Variants in PLEKHH2 observed in about 807,000 individuals in gnomAD.
PLEKHH2 encodes pleckstrin homology, MyTH4 and FERM domain containing H2, also known as pleckstrin homology domain-containing family H member 2.
Under a neutral mutation model 187.9 loss-of-function variants are expected in PLEKHH2, and 129 were observed. The ratio of observed to expected loss-of-function variants is 0.69; its 90% confidence interval spans 0.59 to 0.79. The LOEUF is 0.79. Ranked by LOEUF, PLEKHH2 falls within the 30% of genes least tolerant of loss-of-function variation. The pLI, the probability that PLEKHH2 is intolerant of heterozygous loss-of-function variation, is 0.00. For synonymous variants in PLEKHH2, 686 were observed against 605.6 expected, an observed-to-expected ratio of 1.13 and a Z score of -1.95; for missense variants, 2,076 against 1,751.2, an observed-to-expected ratio of 1.19 and a Z score of -3.31.
intron 2 of PLEKHH2, among the ~76,000 whole-genome samples, chr2:43,654,439 C>T (rs1189153073): frequency 1.3e-5 from 2 of 152,058 alleles, no homozygotes; most frequent in East Asian, 3.9e-4. Context: ...TTGTGATCTG[C>T]CTGCCTCGGC....
chr2:43,753,669 T>C lies in PLEKHH2; in HGVS notation c.3704T>C (p.Leu1235Pro). The change falls in exon 25 of 30, where the codon CTG becomes CCG. Residue 1235 changes from leucine to proline, a missense_variant. Leu to Pro is a moderately conservative substitution (Grantham distance 98). Coordinates refer to ENST00000282406, the MANE Select transcript of PLEKHH2 (RefSeq NM_172069.4). ...ARGETDREKL[L>P]LMYQTNDQII... The stretch of plus-strand genomic sequence containing the variant: ...GGAGAGACTGATAGAGAAAAGTTGC[T>C]GTTAATGTATCAGACAAATGATCAA... The C allele has an allele frequency of 6.3e-7, 1 of 1,578,460 alleles. No homozygotes were observed. Among genetic ancestry groups the C allele is most frequent in the Non-Finnish European group, 8.6e-7 (1 of 1,165,272 alleles).
At chr2:43,666,618 A>T (rs548692341) in intron 2 of PLEKHH2, among the ~76,000 whole-genome samples, 1 of 152,214 alleles carries the variant, frequency 6.6e-6, no homozygotes, top group African/African-American at 2.4e-5. Context: ...ACCATTTGGC[A>T]TATTCAATCT....
intron 2 of PLEKHH2, among the ~76,000 whole-genome samples, chr2:43,659,144 T>C (rs1215813304): frequency 6.6e-6 from 1 of 151,440 alleles, no homozygotes. Flanking sequence ...GGCTAATTTT[T>C]GTATATATAT....
At chr2:43,706,243 T>G in intron 9 of PLEKHH2, 79 bp from the exon 10 acceptor site, 4 of 944,942 alleles carry the variant, frequency 4.2e-6, no homozygotes, top group Non-Finnish European at 6.8e-6. Context: ...GAGATTATGC[T>G]CATTTGTATT....
chr2:43,677,913 TGGCCGGGCGGGGG>T (rs1558467775), intron 2 of PLEKHH2, among the ~76,000 whole-genome samples: 4 of 42,548 alleles, frequency 9.4e-5, no homozygotes, highest in Non-Finnish European at 1.9e-4. Flanking sequence ...ACGGGGCGGC[TGGCCGGGCGGGGG>T]GCTGATCCCC....
intron 2 of PLEKHH2, among the ~76,000 whole-genome samples, chr2:43,666,546 C>G (rs148862679): frequency 7.7e-4 from 118 of 152,372 alleles, no homozygotes; most frequent in African/African-American, 2.6e-3. Context: ...TCTAAGGAGA[C>G]TGTACCATTT....
intron 9 of PLEKHH2, among the ~76,000 whole-genome samples, chr2:43,704,399 C>G (rs931814232): frequency 2.0e-5 from 3 of 152,050 alleles, no homozygotes; most frequent in Non-Finnish European, 4.4e-5. Context: ...CGGTGGCTCG[C>G]GCCTGTTATC....
intron 16 of PLEKHH2, among the ~76,000 whole-genome samples, chr2:43,724,659 G>A (rs979650031): frequency 1.3e-5 from 2 of 152,158 alleles, no homozygotes; most frequent in African/African-American, 2.4e-5. Context: ...ACTGGCATTT[G>A]GGATGATAGT....
At chr2:43,675,218 T>A in intron 2 of PLEKHH2, 1 of 468,440 alleles carries the variant, frequency 2.1e-6, no homozygotes, top group East Asian at 3.2e-5. Context: ...GGAGTCAATA[T>A]GAAATATTAC....
intron 2 of PLEKHH2, among the ~76,000 whole-genome samples, chr2:43,649,066 TCA>T (rs1041720749): frequency 6.6e-5 from 10 of 152,300 alleles, no homozygotes; most frequent in African/African-American, 2.4e-4. Flanking sequence ...TTTTTTTTCA[TCA>T]CAGTTTCCAA....
intron 20 of PLEKHH2, among the ~76,000 whole-genome samples, chr2:43,738,773 A>G (rs1368826275): frequency 6.6e-6 from 1 of 152,216 alleles, no homozygotes; most frequent in Non-Finnish European, 1.5e-5. Flanking sequence ...TTTTTAAACT[A>G]TAGAAAATAA....
intron 2 of PLEKHH2, chr2:43,676,176 G>T (rs753652351): frequency 6.2e-7 from 1 of 1,614,018 alleles, no homozygotes. Flanking sequence ...AATCGTTCCT[G>T]TTAGGTGGAC....
chr2:43,670,976 TA>T (rs1190800870), intron 2 of PLEKHH2, among the ~76,000 whole-genome samples: 1 of 152,056 alleles, frequency 6.6e-6, no homozygotes, highest in African/African-American at 2.4e-5. Context: ...TTATTGCTCT[TA>T]TTTTTTTTTA....
intron 2 of PLEKHH2, among the ~76,000 whole-genome samples, chr2:43,652,874 A>G (rs956237764): frequency 1.3e-5 from 2 of 152,232 alleles, no homozygotes; most frequent in African/African-American, 2.4e-5. Context: ...TCAGAGAGAA[A>G]GGAAAGGATA....
chr2:43,659,038 T>C (rs1666934314), intron 2 of PLEKHH2, among the ~76,000 whole-genome samples: 1 of 149,950 alleles, frequency 6.7e-6, no homozygotes. Flanking sequence ...AGTGACTTGA[T>C]CTCATCTCAC....
intron 18 of PLEKHH2, among the ~76,000 whole-genome samples, chr2:43,730,572 T>C (rs1241906224): frequency 6.6e-6 from 1 of 152,114 alleles, no homozygotes; most frequent in East Asian, 1.9e-4. Flanking sequence ...CTAATTTTTG[T>C]ATCATTGGCA....
At chr2:43,650,276 G>A (rs1490383958) in intron 2 of PLEKHH2, among the ~76,000 whole-genome samples, 2 of 150,870 alleles carry the variant, frequency 1.3e-5, no homozygotes, top group Non-Finnish European at 2.9e-5. Context: ...GGGATTACAG[G>A]TGTGCACCAC....
At chr2:43,654,858 C>G (rs1446608892) in intron 2 of PLEKHH2, among the ~76,000 whole-genome samples, 1 of 152,066 alleles carries the variant, frequency 6.6e-6, no homozygotes, top group Non-Finnish European at 1.5e-5. Flanking sequence ...GAAACCCCAT[C>G]TCTACTAAAA....
chr2:43,653,425 A>G (rs1243561683), intron 2 of PLEKHH2, among the ~76,000 whole-genome samples: 1 of 152,226 alleles, frequency 6.6e-6, no homozygotes, highest in Non-Finnish European at 1.5e-5. Flanking sequence ...CAAACCCAGA[A>G]TTCTGCACCG....
Sources: allele counts gnomAD v4.1 joint callset (sites outside exome capture counted in the v4.1 genomes callset), GRCh38; gene constraint gnomAD v4.1.1; transcripts MANE v1.5; gene names NCBI Gene and HGNC (gene_info 2026-07-23, HGNC 2026-07-21).